The following SUGP2 variants were observed in gnomAD, a reference collection of about 807,000 sequenced individuals.
The protein encoded by SUGP2 is SURP and G-patch domain-containing protein 2.
SUGP2 carries 24 observed loss-of-function variants against 90.5 expected under a neutral mutation model. That is an observed-to-expected ratio of 0.27 (90% confidence interval 0.19 to 0.37). The LOEUF (loss-of-function observed/expected upper bound fraction) is 0.37, where lower values mean the gene tolerates loss of function less well. Among genes scored for constraint, SUGP2 ranks in the 10% least tolerant of loss-of-function variants. The pLI is 1.00. For synonymous variants in SUGP2, 473 were observed against 513.4 expected (o/e 0.92, Z 1.06); for missense variants, 1,233 against 1,363.3 (o/e 0.90, Z 1.51).
At chr19:19,004,766 AC>A in intron 6 of SUGP2, 120 bp from the exon 7 acceptor site, 1 of 769,110 alleles carries the variant, frequency 1.3e-6, no homozygotes, top group Non-Finnish European at 2.1e-6. Flanking sequence ...GAATAACCTG[AC>A]CAGTCTCTAC....
At chr19:19,018,548 G>A (rs1263711219) in intron 4 of SUGP2, among the ~76,000 whole-genome samples, 2 of 150,822 alleles carry the variant, frequency 1.3e-5, no homozygotes, top group Non-Finnish European at 3.0e-5. Context: ...TTAGCCAGGC[G>A]TGGTGGTGGG....
At chr19:19,008,084 T>C (rs1343346164) in intron 6 of SUGP2, among the ~76,000 whole-genome samples, 2 of 152,150 alleles carry the variant, frequency 1.3e-5, no homozygotes, top group African/African-American at 4.8e-5. Flanking sequence ...ATAGTAGGAA[T>C]GCATTGGCCA....
intron 8 of SUGP2, 105 bp downstream of exon 8, chr19:19,001,508 T>A (rs1312821929): frequency 2.5e-6 from 3 of 1,192,824 alleles, no homozygotes; most frequent in African/African-American, 3.0e-5. Flanking sequence ...ATACCTCAGT[T>A]TGAAATGTTA....
At chr19:19,002,159 C>T (rs1451104167) in intron 7 of SUGP2, among the ~76,000 whole-genome samples, 3 of 152,140 alleles carry the variant, frequency 2.0e-5, no homozygotes, top group Non-Finnish European at 4.4e-5. Context: ...ATGGGCGGAT[C>T]ACCCGAGGTT....
intron 8 of SUGP2, among the ~76,000 whole-genome samples, chr19:18,995,640 G>A (rs2057543866): frequency 6.6e-6 from 1 of 152,188 alleles, no homozygotes; most frequent in South Asian, 2.1e-4. Context: ...TGACCACAGG[G>A]CGCAGCCCAG....
chr19:18,994,444 C>A lies in SUGP2; in HGVS notation c.3171G>T (p.Gln1057His), dbSNP rs759256895. 5.6e-6 allele frequency: 9 copies of A among 1,614,208 alleles called. No individual in the cohort carries two copies. In the South Asian group the frequency reaches 9.9e-5, roughly 18 times the overall value. ...SEGEGLGADG[Q>H]EHKEDTFDVF... ...CATCGAATGTGTCTTCTTTGTGCTCCTGCCCGTCAGCACCCAACCCTTCCC... is the reference window on the plus strand; with the variant it reads ...CATCGAATGTGTCTTCTTTGTGCTCATGCCCGTCAGCACCCAACCCTTCCC... Residue 1057 changes from glutamine (Q) to histidine (H), a missense_variant, in exon 10 of 11, where the codon CAG (glutamine) becomes CAT (histidine). Coordinates refer to ENST00000452918, the MANE Select transcript of SUGP2 (RefSeq NM_001017392.5).
intron 10 of SUGP2, 79 bp downstream of exon 10, chr19:18,994,287 A>T: frequency 6.4e-7 from 1 of 1,556,952 alleles, no homozygotes; most frequent in Non-Finnish European, 8.7e-7. Context: ...GGGAACATCA[A>T]CTTTGTTGGG....
intron 2 of SUGP2, among the ~76,000 whole-genome samples, chr19:19,028,751 C>G (rs1030641203): frequency 6.6e-6 from 1 of 152,010 alleles, no homozygotes; most frequent in South Asian, 2.1e-4. Flanking sequence ...CACGCTGGAG[C>G]GCAGTGGTGC....
At chr19:19,005,190 G>A (rs1350459807) in intron 6 of SUGP2, among the ~76,000 whole-genome samples, 1 of 152,290 alleles carries the variant, frequency 6.6e-6, no homozygotes, top group East Asian at 1.9e-4. Flanking sequence ...GCCTCTCTGT[G>A]CCTCAGGGGT....
At chr19:19,000,614 C>T (rs1389491752) in intron 8 of SUGP2, among the ~76,000 whole-genome samples, 2 of 152,248 alleles carry the variant, frequency 1.3e-5, no homozygotes, top group Non-Finnish European at 2.9e-5. Context: ...GTTGCCCAGG[C>T]TGGCCTCAAA....
intron 8 of SUGP2, among the ~76,000 whole-genome samples, chr19:18,997,512 C>T (rs192498720): frequency 3.9e-5 from 6 of 152,232 alleles, no homozygotes; most frequent in South Asian, 2.1e-4. Flanking sequence ...AGGCTGGGCG[C>T]GGTGGCTCAC....
chr19:19,030,867 C>T (rs2145770909), intron 2 of SUGP2, 84 bp downstream of exon 2: 9 of 1,427,290 alleles, frequency 6.3e-6, no homozygotes, highest in South Asian at 2.8e-5. Flanking sequence ...GTATTATTTG[C>T]CCAAGGTATT....
chr19:19,020,058 AAAAT>A (rs1270823396), intron 3 of SUGP2, among the ~76,000 whole-genome samples: 27 of 143,082 alleles, frequency 1.9e-4, no homozygotes, highest in Admixed American at 4.9e-4. Flanking sequence ...ATCACAAAAA[AAAAT>A]AAATAAATAA....
Position 19,024,977 on chromosome 19 carries a change from C to T in SUGP2, c.1371G>A (p.Lys457=), listed in dbSNP as rs751052434. 5.6e-6 allele frequency: 9 copies of T among 1,614,006 alleles called. No individual in the cohort carries two copies. Among genetic ancestry groups the T allele is most frequent in the Non-Finnish European group, 7.6e-6 (9 of 1,180,030 alleles). Residue 457 remains lysine, a synonymous_variant, in exon 3 of 11, where the codon AAG becomes AAA. Transcript: ENST00000452918. The part of the protein sequence containing the change: ...CNAYELSVKM[K]TLSNPLDLAL... Reference sequence around the variant, plus strand: ...CCAAGTCCAGGGGGTTACTGAGGGTCTTCATCTTGACACTTAGCTCGTAGG... The same window carrying T: ...CCAAGTCCAGGGGGTTACTGAGGGTTTTCATCTTGACACTTAGCTCGTAGG...
chr19:19,031,283 C>A (rs2145775798), intron 1 of SUGP2, among the ~76,000 whole-genome samples: 2 of 152,196 alleles, frequency 1.3e-5, no homozygotes, highest in Middle Eastern at 6.8e-3. Flanking sequence ...CCTGTAATCC[C>A]AGGACTTTGG....
chr19:19,002,197 T>C (rs552168924), intron 7 of SUGP2, among the ~76,000 whole-genome samples: 9 of 152,204 alleles, frequency 5.9e-5, no homozygotes, highest in African/African-American at 1.9e-4. Flanking sequence ...CTGGCCAGCA[T>C]GGCGAAACCC....
chr19:19,018,288 C>T lies in SUGP2; in HGVS notation c.1850+821G>A, dbSNP rs187977540. Among the ~76,000 whole-genome samples, 114 of 152,110 alleles carry T rather than the reference C, an allele frequency of 7.5e-4. 1 individual carries two copies. The highest frequency in any genetic ancestry group is 2.6e-3 in the African/African-American group (109 of 41,494). On this transcript the variant is annotated intron_variant, in intron 4 of 10. Coordinates refer to ENST00000452918, the MANE Select transcript of SUGP2 (RefSeq NM_001017392.5). The stretch of plus-strand genomic sequence containing the variant: ...CGGAGGTTGCAGTAAGCCAAGATTG[C>T]GCCACTGTACTCCAGCCTGGGTGAC...
chr19:18,994,429 G>A lies in SUGP2; in HGVS notation c.3186C>T (p.Asp1062=), dbSNP rs2057489418. 1 of 1,614,112 alleles carries A rather than the reference G, an allele frequency of 6.2e-7. No homozygotes were observed. The highest frequency in any genetic ancestry group is 1.3e-5 in the African/African-American group (1 of 74,944). ...TCCTCTGTCGGAACACATCGAATGT[G>A]TCTTCTTTGTGCTCCTGCCCGTCAG... ...LGADGQEHKE[D]TFDVFRQRMM... is the part of the protein sequence containing the mutation. The change falls in exon 10 of 11, where the codon GAC becomes GAT. Residue 1062 remains aspartate (D), a synonymous_variant. Transcript: ENST00000452918.
chr19:19,028,259 A>C (rs2059010554), intron 2 of SUGP2, among the ~76,000 whole-genome samples: 1 of 152,182 alleles, frequency 6.6e-6, no homozygotes, highest in African/African-American at 2.4e-5. Context: ...GGGAACCACT[A>C]ATATAAGAGA....
Sources: allele counts gnomAD v4.1 joint callset (sites outside exome capture counted in the v4.1 genomes callset), GRCh38; gene constraint gnomAD v4.1.1; transcripts MANE v1.5; gene names NCBI Gene and HGNC (gene_info 2026-07-23, HGNC 2026-07-21).